Variants in ASIC5 observed in about 807,000 individuals in gnomAD.
The protein encoded by ASIC5 is bile acid-sensitive ion channel.
In ASIC5, 52 loss-of-function variants were observed where a neutral mutation model predicts 51.2. The observed-to-expected ratio is 1.02, with a 90% CI of 0.81 to 1.28. ASIC5 has a LOEUF of 1.28. Among genes scored for constraint, ASIC5 ranks in the 50% most tolerant of loss-of-function variants. The probability of loss-of-function intolerance (pLI) is 0.00; values close to 1 mark genes in which losing one functional copy is unlikely to be tolerated. For missense variants in ASIC5, 635 were observed against 595.0 expected (o/e 1.07, Z -0.70); for synonymous variants, 231 against 200.7 (o/e 1.15, Z -1.28).
chr4:155,862,295 CT>C (rs1220922111), intron 2 of ASIC5, among the ~76,000 whole-genome samples: 1 of 152,026 alleles, frequency 6.6e-6, no homozygotes, highest in Non-Finnish European at 1.5e-5. Flanking sequence ...TACAAACGGG[CT>C]ATAACATCTA....
At chr4:155,855,078 G>A (rs977871782) in intron 2 of ASIC5, among the ~76,000 whole-genome samples, 5 of 152,038 alleles carry the variant, frequency 3.3e-5, no homozygotes, top group Admixed American at 6.6e-5. Flanking sequence ...CTCCTGCAAC[G>A]AAGTGGGGCT....
At chr4:155,861,821 G>A (rs961035366) in intron 2 of ASIC5, among the ~76,000 whole-genome samples, 1 of 151,808 alleles carries the variant, frequency 6.6e-6, no homozygotes, top group African/African-American at 2.4e-5. Flanking sequence ...CTGTATCTCT[G>A]TGTGTTCTCT....
chr4:155,850,517 C>A (rs55831648), intron 4 of ASIC5, among the ~76,000 whole-genome samples: 5,232 of 152,108 alleles, frequency 0.034, 284 homozygotes, highest in African/African-American at 0.12. Context: ...ATGATTGAGA[C>A]TTGTCTCACC....
At chr4:155,830,469 G>A (rs1480068427) in intron 9 of ASIC5, among the ~76,000 whole-genome samples, 7 of 152,110 alleles carry the variant, frequency 4.6e-5, no homozygotes, top group Admixed American at 1.3e-4. Context: ...TGTCAAAACT[G>A]TATTTCTTTT....
intron 8 of ASIC5, 105 bp downstream of exon 8, chr4:155,836,584 T>C (rs930185969): frequency 2.9e-6 from 2 of 683,070 alleles, no homozygotes; most frequent in East Asian, 2.7e-5. Context: ...AGCCATTGCC[T>C]CCCTTGATTG....
intron 1 of ASIC5, among the ~76,000 whole-genome samples, chr4:155,865,271 T>A (rs1741833478): frequency 6.6e-6 from 1 of 152,086 alleles, no homozygotes; most frequent in African/African-American, 2.4e-5. Context: ...GTTTTTAGTA[T>A]AAAATTAATG....
intron 5 of ASIC5, among the ~76,000 whole-genome samples, chr4:155,842,806 T>C (rs951954878): frequency 1.1e-4 from 16 of 151,722 alleles, no homozygotes; most frequent in Non-Finnish European, 8.8e-5. Flanking sequence ...CCAGGAAAAA[T>C]GAGGCTCGCG....
chr4:155,856,287 G>A (rs140569297), intron 2 of ASIC5, among the ~76,000 whole-genome samples: 5 of 152,060 alleles, frequency 3.3e-5, no homozygotes, highest in Admixed American at 6.6e-5. Flanking sequence ...TCTTTAGGGG[G>A]CCAACACCCA....
intron 8 of ASIC5, 77 bp downstream of exon 8, chr4:155,836,612 T>C: frequency 1.2e-6 from 1 of 867,582 alleles, no homozygotes; most frequent in Non-Finnish European, 1.7e-6. Context: ...TTTCATTTCC[T>C]GAGTCTTTGA....
In ASIC5 at chr4:155,860,411, A is replaced by G. The variant is rs1741672316; in HGVS notation, c.347+3037T>C. Reference sequence around the variant, plus strand: ...AAATTTTTTATATAGCACATTAACTAAAATATTTGAAGATCATTGGCTCTG... The same window carrying G: ...AAATTTTTTATATAGCACATTAACTGAAATATTTGAAGATCATTGGCTCTG... On this transcript the variant is annotated intron_variant, in intron 2 of 9. Coordinates refer to ENST00000537611, the MANE Select transcript of ASIC5 (RefSeq NM_017419.3). 1.3e-5 allele frequency among the ~76,000 whole-genome samples: 2 copies of G among 151,964 alleles called. 1 individual carries two copies. Among genetic ancestry groups the G allele is most frequent in the African/African-American group, 4.8e-5 (2 of 41,434 alleles).
chr4:155,856,140 A>G (rs1741532295), intron 2 of ASIC5, among the ~76,000 whole-genome samples: 1 of 152,060 alleles, frequency 6.6e-6, no homozygotes, highest in Non-Finnish European at 1.5e-5. Context: ...TATAATCTCA[A>G]GATGATAAAT....
At chr4:155,833,886 G>C (rs1177099909) in intron 8 of ASIC5, among the ~76,000 whole-genome samples, 1 of 152,140 alleles carries the variant, frequency 6.6e-6, no homozygotes, top group Non-Finnish European at 1.5e-5. Flanking sequence ...CAGGATTTGA[G>C]TCCAAAAATA....
intron 2 of ASIC5, chr4:155,854,713 T>G (rs1741483347): frequency 5.6e-6 from 1 of 178,570 alleles, no homozygotes; most frequent in Admixed American, 5.8e-5. Context: ...TGTATATATG[T>G]GAGTTTCACT....
chr4:155,860,410 T>C (rs1362686180), intron 2 of ASIC5, among the ~76,000 whole-genome samples: 1 of 151,954 alleles, frequency 6.6e-6, no homozygotes, highest in Non-Finnish European at 1.5e-5. Context: ...GCACATTAAC[T>C]AAAATATTTG....
At chr4:155,848,119 G>A (rs770554236) in intron 4 of ASIC5, among the ~76,000 whole-genome samples, 19 of 151,710 alleles carry the variant, frequency 1.3e-4, no homozygotes, top group Non-Finnish European at 2.7e-4. Context: ...CTTCTTATTT[G>A]GAAAATTAAG....
chr4:155,829,867 C>A lies in ASIC5; in HGVS notation c.1507G>T (p.Glu503Ter). 1 of 1,587,282 alleles carries A rather than the reference C, an allele frequency of 6.3e-7. No individual in the cohort carries two copies. The highest frequency in any genetic ancestry group is 8.6e-7 in the Non-Finnish European group (1 of 1,169,334). Residue 503 changes from glutamate (E) to a stop codon, truncating the protein, a stop_gained, in exon 10 of 10, where the codon GAG becomes TAG. Transcript: ENST00000537611. LOFTEE classifies it high-confidence loss of function. ...ATTCTAAGTGACCATTAACACTCCT[C>A]TATCCTATTTTTATTTCCCAGATGA... ...QNHLGNKNRI[E>*]EC is the part of the protein sequence containing the mutation.
chr4:155,857,883 G>A (rs1408688473), intron 2 of ASIC5, among the ~76,000 whole-genome samples: 3 of 152,034 alleles, frequency 2.0e-5, no homozygotes, highest in Non-Finnish European at 4.4e-5. Flanking sequence ...ATATTTGTAT[G>A]AGAAGCAATG....
chr4:155,841,077 C>T (rs1413833236), intron 6 of ASIC5, among the ~76,000 whole-genome samples: 4 of 152,124 alleles, frequency 2.6e-5, no homozygotes, highest in African/African-American at 4.8e-5. Flanking sequence ...TCCGAATACT[C>T]AGGGAGACTG....
intron 1 of ASIC5, chr4:155,864,787 A>C (rs1741819636): frequency 1.3e-5 from 2 of 152,264 alleles, no homozygotes; most frequent in South Asian, 4.1e-4. Flanking sequence ...AGCTATTTTT[A>C]TTATTCTGCT....
Sources: gnomAD v4.1 joint callset for allele counts (sites outside exome capture counted in the v4.1 genomes callset) on GRCh38, gnomAD v4.1.1 for gene constraint, MANE v1.5 for transcripts, NCBI Gene and HGNC (gene_info 2026-07-23, HGNC 2026-07-21) for gene names.